The following AP4E1 variants were observed in gnomAD, a reference collection of about 807,000 sequenced individuals.
The protein encoded by AP4E1 is AP-4 complex subunit epsilon-1.
In AP4E1, 56 loss-of-function variants were observed where a neutral mutation model predicts 128.2. The observed-to-expected ratio is 0.44, with a 90% CI of 0.35 to 0.55. The LOEUF is 0.55. AP4E1 is among the 20% of genes least tolerant of loss of function. The pLI is 0.00. For synonymous variants in AP4E1, 484 were observed against 473.1 expected (o/e 1.02, Z -0.30); for missense variants, 1,324 against 1,307.7 (o/e 1.01, Z -0.19).
intron 14 of AP4E1, among the ~76,000 whole-genome samples, chr15:50,960,625 A>G (rs1048947853): frequency 6.6e-6 from 1 of 152,100 alleles, no homozygotes; most frequent in African/African-American, 2.4e-5. Flanking sequence ...GTAATATGGC[A>G]AAAACAGTGC....
intron 16 of AP4E1, 92 bp downstream of exon 16, chr15:50,984,237 A>C (rs868286450): frequency 4.2e-6 from 6 of 1,431,538 alleles, no homozygotes; most frequent in Middle Eastern, 1.8e-4. Context: ...TCATATCATC[A>C]TGGTCATTAT....
In AP4E1 at chr15:50,940,359, T is replaced by C. The variant is rs140611311; in HGVS notation, c.944-1083T>C. On this transcript the variant is annotated intron_variant, in intron 8 of 20. Transcript: ENST00000261842. ...AGGTTTAAAATTTTTTTTTGTCTTTTCTTTCCTTGTAAATTTGAGAAAAAG... is the reference window on the plus strand; with the variant it reads ...AGGTTTAAAATTTTTTTTTGTCTTTCCTTTCCTTGTAAATTTGAGAAAAAG... 1.4e-4 allele frequency among the ~76,000 whole-genome samples: 22 copies of C among 152,296 alleles called. No homozygotes were observed. The East Asian group carries it at 4.2e-3, about 29-fold the overall frequency.
intron 4 of AP4E1, 59 bp from the exon 5 acceptor site, chr15:50,925,039 T>C: frequency 1.2e-6 from 2 of 1,604,506 alleles, no homozygotes; most frequent in South Asian, 1.1e-5. Context: ...AGTGTTGAAT[T>C]TGCCATTCCT....
At position 50,934,568 on chromosome 15, in the gene AP4E1, G is replaced by A. The variant is rs1567220392; in HGVS notation, c.870-56G>A. Reference sequence around the variant, plus strand: ...GTTTTAAAGAGAAGTTTGAAAAACTGTTTTATTGGGTTAGAATACTATAAT... The same window carrying A: ...GTTTTAAAGAGAAGTTTGAAAAACTATTTTATTGGGTTAGAATACTATAAT... On this transcript the variant is annotated intron_variant, in intron 7 of 20. Transcript: ENST00000261842. 4 of 1,248,238 alleles carry A rather than the reference G, an allele frequency of 3.2e-6. No homozygotes were observed. In the East Asian group the frequency reaches 9.5e-5, roughly 30 times the overall value. 77.3% of individuals were successfully genotyped at this position (1,248,238 alleles called of 1,614,324 possible). A position where few individuals can be genotyped will look rare whatever the true frequency, so the allele number is the denominator to read the frequency against.
At chr15:50,909,299 G>A (rs1244168203) in intron 1 of AP4E1, among the ~76,000 whole-genome samples, 1 of 152,190 alleles carries the variant, frequency 6.6e-6, no homozygotes, top group African/African-American at 2.4e-5. Context: ...TACCTAGTGC[G>A]ATGGAAGTGT....
intron 7 of AP4E1, among the ~76,000 whole-genome samples, chr15:50,932,372 T>A (rs2063847046): frequency 6.6e-6 from 1 of 152,236 alleles, no homozygotes; most frequent in Non-Finnish European, 1.5e-5. Context: ...ATTCATCAAT[T>A]TATTTTCATT....
chr15:50,907,690 C>T (rs1183663496), upstream of AP4E1, among the ~76,000 whole-genome samples: 1 of 152,150 alleles, frequency 6.6e-6, no homozygotes, highest in African/African-American at 2.4e-5. Flanking sequence ...CGTCATCTAG[C>T]CGCTTGAAAA....
At chr15:50,989,765 A>C (rs1470614422) in intron 16 of AP4E1, among the ~76,000 whole-genome samples, 2 of 152,190 alleles carry the variant, frequency 1.3e-5, no homozygotes, top group Non-Finnish European at 2.9e-5. Context: ...GGCCTTGTAA[A>C]TGCCATACAT....
At chr15:50,952,126 T>A (rs1325475556) in intron 13 of AP4E1, among the ~76,000 whole-genome samples, 1 of 152,214 alleles carries the variant, frequency 6.6e-6, no homozygotes, top group East Asian at 1.9e-4. Context: ...CTGTTTAGAA[T>A]TGAATTGCAG....
intron 15 of AP4E1, among the ~76,000 whole-genome samples, chr15:50,974,331 A>G (rs1160298132): frequency 4.0e-5 from 6 of 149,162 alleles, no homozygotes; most frequent in African/African-American, 1.0e-4. Context: ...CAGTAGAACG[A>G]TCATAGTTCA....
intron 1 of AP4E1, among the ~76,000 whole-genome samples, chr15:50,909,934 C>T (rs1596448523): frequency 6.6e-6 from 1 of 152,076 alleles, no homozygotes; most frequent in East Asian, 2.0e-4. Context: ...ATCCGCCCGC[C>T]TTGGCGTCCC....
intron 6 of AP4E1, among the ~76,000 whole-genome samples, chr15:50,930,267 A>C (rs1486130650): frequency 7.2e-6 from 1 of 138,266 alleles, no homozygotes; most frequent in African/African-American, 2.8e-5. Context: ...GGGTTTCACC[A>C]TGTTGGTCAG....
intron 17 of AP4E1, among the ~76,000 whole-genome samples, chr15:50,996,700 A>G (rs748969443): frequency 6.6e-6 from 1 of 152,228 alleles, no homozygotes; most frequent in Non-Finnish European, 1.5e-5. Flanking sequence ...ACATAGATTC[A>G]CAGACCATTC....
At chr15:50,917,027 G>C (rs1348479341) in intron 3 of AP4E1, among the ~76,000 whole-genome samples, 8 of 151,996 alleles carry the variant, frequency 5.3e-5, no homozygotes, top group African/African-American at 1.9e-4. Flanking sequence ...ATTTTCAGTT[G>C]TCATCCCAAA....
At chr15:50,920,373 A>G (rs1462532133) in intron 3 of AP4E1, among the ~76,000 whole-genome samples, 1 of 150,978 alleles carries the variant, frequency 6.6e-6, no homozygotes, top group African/African-American at 2.4e-5. Context: ...TCAGCCTCCC[A>G]AAGTGCTGGG....
chr15:50,933,937 A>G (rs979102028), intron 7 of AP4E1, among the ~76,000 whole-genome samples: 2 of 152,012 alleles, frequency 1.3e-5, no homozygotes, highest in Non-Finnish European at 2.9e-5. Flanking sequence ...CATACAAAAT[A>G]CCAGCTAAGA....
At chr15:51,001,207 A>C (rs758534572) in intron 20 of AP4E1, 24 bp downstream of exon 20, 8 of 1,605,648 alleles carry the variant, frequency 5.0e-6, no homozygotes, top group Non-Finnish European at 6.8e-6. Flanking sequence ...TAAAAAGGCT[A>C]TTCTGTGTTT....
chr15:50,983,850 A>G (rs2064677550), intron 15 of AP4E1, among the ~76,000 whole-genome samples, 172 bp from the exon 16 acceptor site: 1 of 152,212 alleles, frequency 6.6e-6, no homozygotes, highest in Admixed American at 6.6e-5. Flanking sequence ...CATTTACCAA[A>G]TGGTAGTTGA....
Position 50,925,182 on chromosome 15 carries a change from G to C in AP4E1, c.505G>C (p.Val169Leu), listed in dbSNP as rs753731169. The C allele has an allele frequency of 6.2e-7, 1 of 1,613,638 alleles. No individual in the cohort carries two copies. Among genetic ancestry groups the C allele is most frequent in the Non-Finnish European group, 8.5e-7 (1 of 1,179,592 alleles). The change falls in exon 5 of 21, where the codon GTT becomes CTT. Residue 169 changes from valine (V) to leucine (L), a missense_variant. Val to Leu is a conservative substitution (Grantham distance 32). Transcript: ENST00000261842. ...TTTCCCCTGCGAAATGATTCCAGCTGTTCTTCCATTAATAGAAGATAAACT... is the reference window on the plus strand; with the variant it reads ...TTTCCCCTGCGAAATGATTCCAGCTCTTCTTCCATTAATAGAAGATAAACT... ...QIFPCEMIPA[V>L]LPLIEDKLQH...
Sources: gnomAD v4.1 joint callset for allele counts (sites outside exome capture counted in the v4.1 genomes callset) on GRCh38, gnomAD v4.1.1 for gene constraint, MANE v1.5 for transcripts, NCBI Gene and HGNC (gene_info 2026-07-23, HGNC 2026-07-21) for gene names.